XKR4: variants seen among roughly 807,000 people sequenced by gnomAD.
XKR4 encodes XK related 4.
In XKR4, 12 loss-of-function variants were observed where a neutral mutation model predicts 53.9. The ratio of observed to expected loss-of-function variants is 0.22; its 90% CI spans 0.14 to 0.36. The LOEUF (loss-of-function observed/expected upper bound fraction) is 0.36. Among genes scored for constraint, XKR4 ranks in the 10% least tolerant of loss-of-function variants. The pLI is 1.00. For synonymous variants in XKR4, 354 were observed against 362.4 expected, an observed-to-expected ratio of 0.98 and a Z score of 0.26; for missense variants, 799 against 859.5, an observed-to-expected ratio of 0.93 and a Z score of 0.88.
At chr8:55,360,030 C>G (rs986953415) in intron 2 of XKR4, among the ~76,000 whole-genome samples, 1 of 152,052 alleles carries the variant, frequency 6.6e-6, no homozygotes. Flanking sequence ...TTCAGAATGG[C>G]GTAGGGAAAC....
intron 2 of XKR4, among the ~76,000 whole-genome samples, chr8:55,397,251 G>T (rs948511060): frequency 6.6e-6 from 1 of 152,180 alleles, no homozygotes; most frequent in African/African-American, 2.4e-5. Flanking sequence ...CTCTGTGTTT[G>T]CGTAAATAAT....
rs1227942273 is a variant in XKR4 at position 55,527,506 on chromosome 8, G to A, written c.*3279G>A. 1 of 151,984 alleles carries A rather than the reference G, an allele frequency of 6.6e-6. No homozygotes were observed. The highest frequency in any genetic ancestry group is 2.4e-5 in the African/African-American group (1 of 41,422). The allele number at this position is 151,984 out of a possible 1,614,324, so 9.4% of individuals were successfully genotyped here. Reference sequence around the variant, plus strand: ...ACCATGTTTAATGAATATATATAATGTGTGTGTGTGTATCTTAACCATAGT... The same window carrying A: ...ACCATGTTTAATGAATATATATAATATGTGTGTGTGTATCTTAACCATAGT... On this transcript the variant is annotated 3_prime_UTR_variant, in exon 3 of 3. Transcript: ENST00000327381.
chr8:55,198,179 A>G (rs1457176023), intron 1 of XKR4, among the ~76,000 whole-genome samples: 1 of 152,142 alleles, frequency 6.6e-6, no homozygotes, highest in African/African-American at 2.4e-5. Context: ...GTGCAGATCA[A>G]CCAGGTTGGG....
chr8:55,151,793 A>G (rs1816843992), intron 1 of XKR4, among the ~76,000 whole-genome samples: 1 of 152,184 alleles, frequency 6.6e-6, no homozygotes, highest in Admixed American at 6.5e-5. Context: ...TTATCCTCAT[A>G]TCATTAAATA....
At chr8:55,499,015 T>A (rs1488343937) in intron 2 of XKR4, among the ~76,000 whole-genome samples, 3 of 152,220 alleles carry the variant, frequency 2.0e-5, no homozygotes, top group Admixed American at 6.5e-5. Context: ...TAAAGCCAAT[T>A]TATCTGCTGA....
At chr8:55,267,671 C>CT (rs10697732) in intron 1 of XKR4, among the ~76,000 whole-genome samples, 54,559 of 151,744 alleles carry the variant, frequency 0.36, 12,002 homozygotes, top group Non-Finnish European at 0.49. Context: ...TTCCTATTAT[C>CT]TTTTTTTTCA....
intron 2 of XKR4, among the ~76,000 whole-genome samples, chr8:55,493,332 C>T (rs1232398080): frequency 6.6e-6 from 1 of 152,206 alleles, no homozygotes; most frequent in Non-Finnish European, 1.5e-5. Flanking sequence ...CTGGGTTTTG[C>T]TAGCTATTTC....
chr8:55,138,520 A>G (rs1267589442), intron 1 of XKR4, among the ~76,000 whole-genome samples: 1 of 152,260 alleles, frequency 6.6e-6, no homozygotes, highest in African/African-American at 2.4e-5. Flanking sequence ...ATATATTAAT[A>G]TAACAGTGGT....
rs545998477 is a variant in XKR4 at position 55,391,115 on chromosome 8, G to A, written c.1006+33238G>A. Among the ~76,000 whole-genome samples the A allele has an allele frequency of 7.2e-5, 11 of 152,226 alleles. No homozygotes were observed. The South Asian group carries it at 8.3e-4, about 11-fold the overall frequency. ...ATTCCTGTAACATTGACAGAGGTCC[G>A]AATGTCTCACAACATTCTCTTTCTG... On this transcript the variant is annotated intron_variant, in intron 2 of 2. Coordinates refer to ENST00000327381, the MANE Select transcript of XKR4 (RefSeq NM_052898.2).
At chr8:55,383,595 T>C (rs1484810813) in intron 2 of XKR4, among the ~76,000 whole-genome samples, 1 of 152,234 alleles carries the variant, frequency 6.6e-6, no homozygotes, top group African/African-American at 2.4e-5. Context: ...GCTAAAATGA[T>C]TGACAGATAT....
At chr8:55,111,506 C>T (rs1816229853) in intron 1 of XKR4, among the ~76,000 whole-genome samples, 1 of 152,140 alleles carries the variant, frequency 6.6e-6, no homozygotes, top group African/African-American at 2.4e-5. Flanking sequence ...TCTAAACTCC[C>T]AGGAACTGGC....
intron 2 of XKR4, among the ~76,000 whole-genome samples, chr8:55,428,321 C>G (rs1009707295): frequency 3.3e-5 from 5 of 152,222 alleles, no homozygotes; most frequent in Non-Finnish European, 7.3e-5. Flanking sequence ...TTGGGGATGA[C>G]GTCTGGCAAC....
At chr8:55,314,883 A>C (rs1435647306) in intron 1 of XKR4, among the ~76,000 whole-genome samples, 3 of 152,138 alleles carry the variant, frequency 2.0e-5, no homozygotes, top group Admixed American at 6.5e-5. Context: ...CAGTGTGGAG[A>C]AGGCTCTGTG....
chr8:55,523,971 G>C lies in XKR4; in HGVS notation c.1697G>C (p.Arg566Pro). 1 of 1,614,110 alleles carries C rather than the reference G, an allele frequency of 6.2e-7. No homozygotes were observed. Among genetic ancestry groups the C allele is most frequent in the Non-Finnish European group, 8.5e-7 (1 of 1,180,034 alleles). ...VSDRDQKFAE[R>P]DGCVPVFQVR... ...GACCGCGATCAGAAATTCGCAGAGCGGGATGGGTGTGTACCTGTCTTTCAA... is the reference window on the plus strand; with the variant it reads ...GACCGCGATCAGAAATTCGCAGAGCCGGATGGGTGTGTACCTGTCTTTCAA... The change falls in exon 3 of 3, where the codon CGG becomes CCG. Residue 566 changes from arginine to proline, a missense_variant. Physicochemically the swap from Arg to Pro is moderately radical, Grantham distance 103 (BLOSUM62 -2). Coordinates refer to ENST00000327381, the MANE Select transcript of XKR4 (RefSeq NM_052898.2).
intron 2 of XKR4, among the ~76,000 whole-genome samples, chr8:55,425,092 C>T (rs935108535): frequency 2.0e-5 from 3 of 152,114 alleles, no homozygotes; most frequent in African/African-American, 7.2e-5. Context: ...CCCCAGTCCT[C>T]ATCAAGCCCT....
intron 2 of XKR4, among the ~76,000 whole-genome samples, chr8:55,470,682 C>G (rs1311903796): frequency 2.0e-5 from 3 of 152,106 alleles, no homozygotes; most frequent in African/African-American, 4.8e-5. Context: ...ACTTACATGT[C>G]TTACAAAGAA....
At chr8:55,366,450 G>T (rs1343702281) in intron 2 of XKR4, among the ~76,000 whole-genome samples, 1 of 152,234 alleles carries the variant, frequency 6.6e-6, no homozygotes. Flanking sequence ...AAACGCCCAG[G>T]CAGCCGAGTC....
chr8:55,406,765 G>A (rs992444587), intron 2 of XKR4, among the ~76,000 whole-genome samples: 8 of 152,182 alleles, frequency 5.3e-5, no homozygotes, highest in African/African-American at 1.9e-4. Context: ...GGCCACAAAT[G>A]TCTAATATGT....
At chr8:55,229,518 G>C (rs1585953455) in intron 1 of XKR4, among the ~76,000 whole-genome samples, 1 of 152,262 alleles carries the variant, frequency 6.6e-6, no homozygotes. Context: ...TGTATGGCTG[G>C]ATGGATGGAG....
Sources: allele counts gnomAD v4.1 joint callset (sites outside exome capture counted in the v4.1 genomes callset), GRCh38; gene constraint gnomAD v4.1.1; transcripts MANE v1.5; gene names NCBI Gene and HGNC (gene_info 2026-07-23, HGNC 2026-07-21).